DTNBP1: variants seen among roughly 807,000 people sequenced by gnomAD.
DTNBP1 encodes dystrobrevin binding protein 1.
Under a neutral mutation model 42.8 loss-of-function variants are expected in DTNBP1, and 35 were observed. That is an observed-to-expected ratio of 0.82 (90% CI 0.63 to 1.09). DTNBP1 has a LOEUF of 1.09. Ranked by LOEUF, DTNBP1 falls within the 50% of genes least tolerant of loss-of-function variation. The pLI is 0.00. For synonymous variants in DTNBP1, 171 were observed against 162.2 expected (o/e 1.05, Z -0.41); for missense variants, 457 against 424.2 (o/e 1.08, Z -0.68).
chr6:15,651,402 T>C, intron 2 of DTNBP1, 39 bp from the exon 3 acceptor site: 1 of 1,603,824 alleles, frequency 6.2e-7, no homozygotes, highest in Non-Finnish European at 8.5e-7. Context: ...GTTCTTGATT[T>C]AGCCAACTGA....
chr6:15,556,107 T>C (rs1774502014), intron 7 of DTNBP1, among the ~76,000 whole-genome samples: 1 of 152,132 alleles, frequency 6.6e-6, no homozygotes, highest in South Asian at 2.1e-4. Context: ...TTAAAGGTCT[T>C]TGGGTTAATC....
chr6:15,566,176 G>C (rs575006943), intron 7 of DTNBP1, among the ~76,000 whole-genome samples: 1 of 151,344 alleles, frequency 6.6e-6, no homozygotes, highest in African/African-American at 2.4e-5. Context: ...TTAGCCGGGC[G>C]TAGTGGCGGG....
intron 5 of DTNBP1, among the ~76,000 whole-genome samples, chr6:15,624,122 C>A (rs1377917893): frequency 1.3e-5 from 2 of 152,236 alleles, no homozygotes; most frequent in Non-Finnish European, 2.9e-5. Flanking sequence ...ATGTACCAGG[C>A]ACTGTGCTAA....
chr6:15,643,889 A>G (rs778258085), intron 3 of DTNBP1, among the ~76,000 whole-genome samples: 18 of 152,196 alleles, frequency 1.2e-4, no homozygotes, highest in Non-Finnish European at 2.1e-4. Flanking sequence ...AAGACCACAA[A>G]GCAACTAGCT....
At chr6:15,548,472 C>A (rs1017820332) in intron 7 of DTNBP1, 2 of 151,784 alleles carry the variant, frequency 1.3e-5, no homozygotes, top group Non-Finnish European at 2.9e-5. Flanking sequence ...CACACACACA[C>A]ACACACACAC....
chr6:15,593,190 G>T, intron 6 of DTNBP1, 109 bp from the exon 7 acceptor site: 1 of 1,008,066 alleles, frequency 9.9e-7, no homozygotes, highest in South Asian at 1.6e-5. Flanking sequence ...GCCCACAGTG[G>T]TATTTCTGGA....
rs1323390498 is a variant in DTNBP1, at chr6:15,587,259, AACATGGATACAT to A, written c.511+5788_511+5799del. On this transcript the variant is annotated intron_variant, in intron 7 of 9. Coordinates refer to ENST00000344537, the MANE Select transcript of DTNBP1 (RefSeq NM_032122.5). The surrounding 1 kb of genome is among the most constrained non-coding windows in gnomAD (Gnocchi z 4.1). ...AGAAAAACTGAAGATGGCTTAAACA[AACATGGATACAT>A]TCCATGTTCATGGATTGAAAGACTC... Among the ~76,000 whole-genome samples, 1 of 152,212 alleles carries A rather than the reference AACATGGATACAT, an allele frequency of 6.6e-6. No individual in the cohort carries two copies. Among genetic ancestry groups the A allele is most frequent in the Non-Finnish European group, 1.5e-5 (1 of 68,030 alleles).
At chr6:15,572,919 A>G (rs1207553179) in intron 7 of DTNBP1, among the ~76,000 whole-genome samples, 2 of 152,152 alleles carry the variant, frequency 1.3e-5, no homozygotes, top group African/African-American at 4.8e-5. Flanking sequence ...ATTTGTAGAG[A>G]CGAGGTCTCA....
Position 15,524,511 on chromosome 6 carries a change from G to A in DTNBP1, c.811+15C>T, listed in dbSNP as rs146113366. On this transcript the variant is annotated intron_variant, in intron 9 of 9. Transcript: ENST00000344537. ...TACTGCCCTGGTTCAGCTAATGCAA[G>A]TTTGTCAACCCTACCTAAGGCGGGG... 1 of 1,608,632 alleles carries A rather than the reference G, an allele frequency of 6.2e-7. No individual in the cohort carries two copies. Among genetic ancestry groups the A allele is most frequent in the Non-Finnish European group, 8.5e-7 (1 of 1,176,078 alleles).
intron 7 of DTNBP1, among the ~76,000 whole-genome samples, chr6:15,569,001 C>A (rs938715373): frequency 6.6e-6 from 1 of 152,154 alleles, no homozygotes; most frequent in African/African-American, 2.4e-5. Context: ...TTTCCCCTTA[C>A]AAAGCCCTTT....
At chr6:15,597,595 T>A (rs1435013477) in intron 6 of DTNBP1, among the ~76,000 whole-genome samples, 1 of 152,232 alleles carries the variant, frequency 6.6e-6, no homozygotes, top group Non-Finnish European at 1.5e-5. Context: ...CTCTCCTTTA[T>A]CAAAAATTCT....
At chr6:15,541,970 G>A (rs1231461272) in intron 7 of DTNBP1, among the ~76,000 whole-genome samples, 2 of 152,078 alleles carry the variant, frequency 1.3e-5, no homozygotes, top group Non-Finnish European at 2.9e-5. Context: ...TCTCTTAAGA[G>A]TTCAAAATGT....
intron 4 of DTNBP1, among the ~76,000 whole-genome samples, chr6:15,633,099 G>A (rs1443994211): frequency 1.3e-5 from 2 of 152,200 alleles, no homozygotes; most frequent in Non-Finnish European, 2.9e-5. Context: ...TATGAACAGA[G>A]TATCGACAGC....
intron 6 of DTNBP1, among the ~76,000 whole-genome samples, chr6:15,603,787 C>A (rs1328952877): frequency 6.6e-6 from 1 of 152,160 alleles, no homozygotes; most frequent in Non-Finnish European, 1.5e-5. Flanking sequence ...CTTCCCAATA[C>A]CTCAGTAATT....
At chr6:15,599,686 G>GC (rs1390747217) in intron 6 of DTNBP1, among the ~76,000 whole-genome samples, 1 of 152,032 alleles carries the variant, frequency 6.6e-6, no homozygotes, top group African/African-American at 2.4e-5. Context: ...CCCCAACATA[G>GC]CCCTGAAGAC....
chr6:15,533,021 T>C lies in DTNBP1; in HGVS notation c.667+219A>G, dbSNP rs375706362. Among the ~76,000 whole-genome samples the C allele has an allele frequency of 1.1e-4, 16 of 152,060 alleles. No homozygotes were observed. In the East Asian group the frequency reaches 2.9e-3, roughly 28 times the overall value. ...GCTGTATCTGTAATCTTTAGAGGTA[T>C]TAAAAAAAATATATCTTCAACTAAA... On this transcript the variant is annotated intron_variant, in intron 8 of 9. Transcript: ENST00000344537.
rs1761529181 is a variant in DTNBP1 at position 15,660,281 on chromosome 6, T to C, written c.56+2533A>G. 2.6e-6 allele frequency: 3 copies of C among 1,162,430 alleles called. No homozygotes were observed. The South Asian group carries it at 3.8e-5, about 15-fold the overall frequency. 72.0% of individuals were successfully genotyped at this position (1,162,430 alleles called of 1,614,324 possible). A position where few individuals can be genotyped will look rare whatever the true frequency, so the allele number is the denominator to read the frequency against. Reference sequence around the variant, plus strand: ...ATGTGTGCTGTGTTTAGCGTCATCTTTTCTCCTCAAGGCAAAAATAATCAG... The same window carrying C: ...ATGTGTGCTGTGTTTAGCGTCATCTCTTCTCCTCAAGGCAAAAATAATCAG... On this transcript the variant is annotated intron_variant, in intron 1 of 9. Coordinates refer to ENST00000344537, the MANE Select transcript of DTNBP1 (RefSeq NM_032122.5).
intron 7 of DTNBP1, among the ~76,000 whole-genome samples, chr6:15,573,888 G>A (rs1434145215): frequency 6.6e-6 from 1 of 152,032 alleles, no homozygotes; most frequent in Non-Finnish European, 1.5e-5. Context: ...TGTATTTTTA[G>A]TAGAGATGGG....
intron 5 of DTNBP1, among the ~76,000 whole-genome samples, chr6:15,617,976 C>T (rs1386558212): frequency 4.6e-5 from 7 of 151,976 alleles, no homozygotes; most frequent in Admixed American, 2.6e-4. Context: ...ACTACTCATC[C>T]CACAAGGGAT....
Sources: gnomAD v4.1 joint callset for allele counts (sites outside exome capture counted in the v4.1 genomes callset) on GRCh38, gnomAD v4.1.1 for gene constraint, Gnocchi (gnomAD v3.1) non-coding constraint, MANE v1.5 for transcripts, NCBI Gene and HGNC (gene_info 2026-07-23, HGNC 2026-07-21) for gene names.